MPP7: variants seen among roughly 807,000 people sequenced by gnomAD.
MPP7 encodes MAGUK p55 subfamily member 7.
MPP7 carries 60 observed loss-of-function variants against 76.5 expected under a neutral mutation model. The observed-to-expected ratio is 0.78, with a 90% CI of 0.64 to 0.97. The LOEUF (loss-of-function observed/expected upper bound fraction) is 0.97. Ranked by LOEUF, MPP7 falls within the 50% of genes least tolerant of loss-of-function variation. MPP7 has a pLI of 0.00. For missense variants in MPP7, 641 were observed against 694.0 expected (o/e 0.92, Z 0.86); for synonymous variants, 237 against 244.5 (o/e 0.97, Z 0.29).
intron 1 of MPP7, among the ~76,000 whole-genome samples, chr10:28,283,378 T>C (rs1356464677): frequency 2.6e-5 from 4 of 152,040 alleles, no homozygotes; most frequent in Non-Finnish European, 5.9e-5. Flanking sequence ...GTAAATGGAA[T>C]ACTCAAAGAG....
At chr10:28,331,893 A>G (rs2133193744) in intron 1 of MPP7, among the ~76,000 whole-genome samples, 1 of 152,300 alleles carries the variant, frequency 6.6e-6, no homozygotes, top group Non-Finnish European at 1.5e-5. Context: ...TATTATCTTT[A>G]TATAGAAATG....
intron 3 of MPP7, among the ~76,000 whole-genome samples, chr10:28,184,295 T>C (rs1392147152): frequency 6.7e-6 from 1 of 148,304 alleles, no homozygotes; most frequent in Non-Finnish European, 1.5e-5. Flanking sequence ...ATCTTACATA[T>C]AAAAATATAT....
At position 28,327,999 on chromosome 10, in the gene MPP7, C is replaced by T. The variant is rs577415225; in HGVS notation, c.-132+1930G>A. ...CTGAAATTGATGCAGGCTTCTGTCT[C>T]CATCCAATCAGCAAAGACGTTTTTG... On this transcript the variant is annotated intron_variant, in intron 2 of 11. Coordinates refer to the MPP7 transcript ENST00000441595. 1.2e-3 allele frequency among the ~76,000 whole-genome samples: 189 copies of T among 152,304 alleles called. 5 individuals carry two copies. The South Asian group carries it at 0.038, about 30-fold the overall frequency.
chr10:28,137,282 T>G (rs1588833971), intron 5 of MPP7, among the ~76,000 whole-genome samples: 1 of 152,136 alleles, frequency 6.6e-6, no homozygotes, highest in Non-Finnish European at 1.5e-5. Context: ...TTGAAAAATA[T>G]ACACAAGCTG....
chr10:28,238,651 T>C lies in MPP7; in HGVS notation c.-47A>G, dbSNP rs747208239. ...TCAGCCCACCGCTCTCCGGACACCCTGCCTTCGGACAGCCACAGGGAATTC... is the reference window on the plus strand; with the variant it reads ...TCAGCCCACCGCTCTCCGGACACCCCGCCTTCGGACAGCCACAGGGAATTC... On this transcript the variant is annotated 5_prime_UTR_variant, in exon 2 of 17. Transcript: ENST00000683449. 1.9e-6 allele frequency: 3 copies of C among 1,608,404 alleles called. No individual in the cohort carries two copies. The highest frequency in any genetic ancestry group is 2.6e-6 in the Non-Finnish European group (3 of 1,175,152).
intron 2 of MPP7, among the ~76,000 whole-genome samples, chr10:28,313,904 C>A (rs1222636319): frequency 1.8e-5 from 2 of 113,452 alleles, no homozygotes; most frequent in Non-Finnish European, 3.4e-5. Flanking sequence ...CAGGGTTTTG[C>A]CATGTTGCCC....
At chr10:28,057,638 T>TTTTTTTA in intron 15 of MPP7, 1 of 261,654 alleles carries the variant, frequency 3.8e-6, no homozygotes, top group Non-Finnish European at 6.1e-6. Context: ...TTTTTTTTAG[T>TTTTTTTA]AAATTACCCA....
intron 6 of MPP7, among the ~76,000 whole-genome samples, chr10:28,126,344 T>C (rs967501197): frequency 6.6e-6 from 1 of 152,250 alleles, no homozygotes; most frequent in Non-Finnish European, 1.5e-5. Context: ...TCAATATAAC[T>C]AATTAGTTTG....
intron 8 of MPP7, among the ~76,000 whole-genome samples, chr10:28,123,048 G>A (rs181795219): frequency 3.3e-5 from 5 of 151,340 alleles, no homozygotes; most frequent in South Asian, 2.1e-4. Flanking sequence ...TTTTTTCTGC[G>A]CCATTAACCT....
intron 3 of MPP7, among the ~76,000 whole-genome samples, chr10:28,170,492 C>T (rs1406938122): frequency 6.6e-6 from 1 of 151,718 alleles, no homozygotes; most frequent in Non-Finnish European, 1.5e-5. Flanking sequence ...TTTATCATCG[C>T]TGCCTGGATC....
At chr10:28,326,154 TG>T (rs1326086449) in intron 2 of MPP7, among the ~76,000 whole-genome samples, 17 of 152,278 alleles carry the variant, frequency 1.1e-4, no homozygotes, top group African/African-American at 4.1e-4. Flanking sequence ...GGGGTAGACG[TG>T]ATAATGCAGA....
At chr10:28,240,174 C>A (rs534983111) in intron 1 of MPP7, among the ~76,000 whole-genome samples, 191 of 152,190 alleles carry the variant, frequency 1.3e-3, no homozygotes, top group African/African-American at 4.5e-3. Flanking sequence ...TTCCTCAATT[C>A]TCTATAAAGC....
chr10:28,326,819 G>A (rs1007340838), intron 2 of MPP7, among the ~76,000 whole-genome samples: 2 of 152,208 alleles, frequency 1.3e-5, no homozygotes, highest in African/African-American at 4.8e-5. Flanking sequence ...GTTCACCAGA[G>A]AGTTTGCAAA....
At chr10:28,311,389 T>C (rs1365637321) in intron 2 of MPP7, among the ~76,000 whole-genome samples, 1 of 152,116 alleles carries the variant, frequency 6.6e-6, no homozygotes, top group African/African-American at 2.4e-5. Context: ...CTATACCAAT[T>C]TATATGTGGT....
chr10:28,175,295 A>G (rs1332118718), intron 3 of MPP7, among the ~76,000 whole-genome samples: 1 of 152,100 alleles, frequency 6.6e-6, no homozygotes, highest in African/African-American at 2.4e-5. Flanking sequence ...GTCTCAAAAA[A>G]AAAAAGGAAA....
intron 12 of MPP7, among the ~76,000 whole-genome samples, chr10:28,081,766 CTCTT>C (rs1332170919): frequency 7.2e-6 from 1 of 138,320 alleles, no homozygotes; most frequent in East Asian, 2.4e-4. Flanking sequence ...AAAAATTATT[CTCTT>C]TTTTTTTTTT....
At chr10:28,273,694 G>A (rs76220382) in intron 1 of MPP7, among the ~76,000 whole-genome samples, 2,130 of 152,260 alleles carry the variant, frequency 0.014, 49 homozygotes, top group African/African-American at 0.048. Context: ...ATGCAAACAC[G>A]ATGAAAGAAT....
upstream of MPP7, chr10:28,303,299 C>G (rs961353719): frequency 1.3e-5 from 2 of 152,346 alleles, no homozygotes; most frequent in African/African-American, 4.8e-5. Flanking sequence ...AAGTTCCACC[C>G]CTGCCCGCCC....
At chr10:28,097,720 T>C (rs2133493568) in intron 11 of MPP7, among the ~76,000 whole-genome samples, 2 of 152,246 alleles carry the variant, frequency 1.3e-5, no homozygotes, top group East Asian at 3.9e-4. Flanking sequence ...AAAACATAAT[T>C]TTTTCCTGAT....
Sources: gnomAD v4.1 joint callset for allele counts (sites outside exome capture counted in the v4.1 genomes callset) on GRCh38, gnomAD v4.1.1 for gene constraint, MANE v1.5 for transcripts, NCBI Gene and HGNC (gene_info 2026-07-23, HGNC 2026-07-21) for gene names.